The following SLC37A1 variants were observed in gnomAD, a reference collection of about 807,000 sequenced individuals.
SLC37A1 encodes the protein glucose-6-phosphate exchanger SLC37A1.
In SLC37A1, 49 loss-of-function variants were observed where a neutral mutation model predicts 75.3. The ratio of observed to expected loss-of-function variants is 0.65; its 90% CI spans 0.52 to 0.83. The LOEUF is 0.83. Among genes scored for constraint, SLC37A1 ranks in the 40% least tolerant of loss-of-function variants. SLC37A1 has a pLI of 0.00. For missense variants in SLC37A1, 566 were observed against 695.0 expected (o/e 0.81, Z 2.09); for synonymous variants, 268 against 292.1 (o/e 0.92, Z 0.84).
chr21:42,517,304 C>T (rs1227491811), intron 1 of SLC37A1, among the ~76,000 whole-genome samples: 1 of 152,150 alleles, frequency 6.6e-6, no homozygotes, highest in East Asian at 1.9e-4. Context: ...CAGGGTCAGC[C>T]TTGGAAGGAG....
intron 10 of SLC37A1, 56 bp from the exon 11 acceptor site, chr21:42,558,902 C>T: frequency 6.2e-7 from 1 of 1,609,904 alleles, no homozygotes; most frequent in Non-Finnish European, 8.5e-7. Context: ...CCACTTCACC[C>T]AGACTGCCCG....
intron 1 of SLC37A1, 38 bp from the exon 2 acceptor site, chr21:42,518,239 C>T (rs1004370451): frequency 4.5e-5 from 26 of 575,890 alleles, no homozygotes; most frequent in East Asian, 3.8e-4. Context: ...GTGAATGTCA[C>T]GACACTGGAC....
At chr21:42,578,320 G>C (rs2056348788) in intron 18 of SLC37A1, among the ~76,000 whole-genome samples, 1 of 152,198 alleles carries the variant, frequency 6.6e-6, no homozygotes. Flanking sequence ...GCATGCGTGA[G>C]CCAAACACGT....
upstream of SLC37A1, among the ~76,000 whole-genome samples, chr21:42,513,622 A>C (rs2054463459): frequency 6.6e-6 from 1 of 151,078 alleles, no homozygotes; most frequent in Admixed American, 6.6e-5. Context: ...GAGCCGGGGA[A>C]GGCGCGGGCC....
intron 11 of SLC37A1, 140 bp from the exon 12 acceptor site, chr21:42,561,938 G>C: frequency 1.4e-6 from 1 of 704,388 alleles, no homozygotes; most frequent in East Asian, 2.6e-5. Flanking sequence ...ACCCTCCCCA[G>C]TACGTGTCTG....
chr21:42,569,294 CT>C (rs896783304), intron 17 of SLC37A1, among the ~76,000 whole-genome samples: 1 of 152,208 alleles, frequency 6.6e-6, no homozygotes, highest in Non-Finnish European at 1.5e-5. Flanking sequence ...TTGGCTGCCC[CT>C]GGCCTTGGTG....
At chr21:42,559,875 CA>C (rs35483329) in intron 11 of SLC37A1, among the ~76,000 whole-genome samples, 11,012 of 127,682 alleles carry the variant, frequency 0.086, 564 homozygotes, top group Middle Eastern at 0.15. Flanking sequence ...GACTCTGTCT[CA>C]AAAAAAAAAA....
At chr21:42,517,222 A>G (rs144092801) in intron 1 of SLC37A1, among the ~76,000 whole-genome samples, 3 of 152,326 alleles carry the variant, frequency 2.0e-5, no homozygotes, top group African/African-American at 7.2e-5. Context: ...CATGGATGCT[A>G]TCATCCCCAT....
In SLC37A1 at chr21:42,581,149, G is replaced by A. The variant is rs1370612261; in HGVS notation, c.*789G>A. 1 of 152,634 alleles carries A rather than the reference G, an allele frequency of 6.6e-6. No individual in the cohort carries two copies. Among genetic ancestry groups the A allele is most frequent in the African/African-American group, 2.4e-5 (1 of 41,458 alleles). The allele number at this position is 152,634 out of a possible 1,614,324, so 9.5% of individuals were successfully genotyped here. On this transcript the variant is annotated 3_prime_UTR_variant, in exon 20 of 20. Coordinates refer to ENST00000352133, the MANE Select transcript of SLC37A1 (RefSeq NM_001320537.2). ...GGCACAGGGGCACAGCAGAGGTTTG[G>A]GAAGCGGTCTCCCCACCGGCACTGG... is the stretch of plus-strand genomic sequence containing the variant.
intron 2 of SLC37A1, among the ~76,000 whole-genome samples, chr21:42,507,399 A>G (rs1979870533): frequency 6.6e-6 from 1 of 152,096 alleles, no homozygotes; most frequent in African/African-American, 2.4e-5. Flanking sequence ...GGCTGCCTAA[A>G]CTGTCAGCCT....
At chr21:42,543,333 C>A in intron 7 of SLC37A1, 103 bp from the exon 8 acceptor site, 1 of 1,355,068 alleles carries the variant, frequency 7.4e-7, no homozygotes, top group Non-Finnish European at 1.1e-6. Flanking sequence ...CCCGTTGATT[C>A]TGCGCCGACT....
chr21:42,554,153 C>T lies in SLC37A1; in HGVS notation c.849+11C>T, dbSNP rs774417848. ...AAGAACAAGCCTCTGGTAAGTCACACACAACTTCCACTTCCTAGAATGTCG... is the reference window on the plus strand; with the variant it reads ...AAGAACAAGCCTCTGGTAAGTCACATACAACTTCCACTTCCTAGAATGTCG... On this transcript the variant is annotated intron_variant, in intron 10 of 19. Coordinates refer to ENST00000352133, the MANE Select transcript of SLC37A1 (RefSeq NM_001320537.2). 6 of 1,610,794 alleles carry T rather than the reference C, an allele frequency of 3.7e-6. No homozygotes were observed. The highest frequency in any genetic ancestry group is 5.1e-6 in the Non-Finnish European group (6 of 1,178,396).
At chr21:42,570,892 G>A (rs2056144331) in intron 17 of SLC37A1, among the ~76,000 whole-genome samples, 1 of 152,166 alleles carries the variant, frequency 6.6e-6, no homozygotes, top group African/African-American at 2.4e-5. Context: ...CACAAGGAAG[G>A]TGGCACACAC....
rs376976481 is a variant in SLC37A1 at position 42,536,429 on chromosome 21, G to A, written c.350+879G>A. On this transcript the variant is annotated intron_variant, in intron 5 of 19. Coordinates refer to ENST00000352133, the MANE Select transcript of SLC37A1 (RefSeq NM_001320537.2). ...GTGAATATTATATGGGTCATAGGAC[G>A]TGTGATTGGCTGATTAAAAACTGCT... 1.4e-4 allele frequency among the ~76,000 whole-genome samples: 21 copies of A among 152,172 alleles called. 2 individuals are homozygous for A. The highest frequency in any genetic ancestry group is 2.9e-5 in the Non-Finnish European group (2 of 68,026).
intron 8 of SLC37A1, among the ~76,000 whole-genome samples, chr21:42,544,087 C>T (rs1231714753): frequency 6.6e-6 from 1 of 152,212 alleles, no homozygotes; most frequent in Non-Finnish European, 1.5e-5. Context: ...ATAGCAAACT[C>T]TTTATTTAAT....
chr21:42,542,397 C>T lies in SLC37A1; in HGVS notation c.487-7C>T, dbSNP rs749450872. ...CAGGTCAGTCTCTCCTTTGGCCTCT[C>T]CTGCAGGTCATCAACGGGCTGGTGC... is the stretch of plus-strand genomic sequence containing the variant. On this transcript the variant is annotated splice_region_variant and splice_polypyrimidine_tract_variant and intron_variant, in intron 6 of 19. Coordinates refer to ENST00000352133, the MANE Select transcript of SLC37A1 (RefSeq NM_001320537.2). The T allele has an allele frequency of 6.2e-7, 1 of 1,613,528 alleles. No homozygotes were observed.
At chr21:42,542,620 T>A in intron 7 of SLC37A1, 140 bp downstream of exon 7, 1 of 822,162 alleles carries the variant, frequency 1.2e-6, no homozygotes. Context: ...GGGCTTGAAT[T>A]GCTGAAATTC....
rs1284663472 is a variant in SLC37A1, at chr21:42,513,937, G to T, written c.-959G>T. On this transcript the variant is annotated 5_prime_UTR_variant, in exon 1 of 20. Transcript: ENST00000352133. ...CTCGGCGGCGCAGGTGAGGCGCGGG[G>T]CCGGGGCCGGACCGGGAGGCGGGGA... The T allele has an allele frequency of 6.8e-6, 1 of 146,716 alleles. No homozygotes were observed. The highest frequency in any genetic ancestry group is 1.5e-5 in the Non-Finnish European group (1 of 65,780). 9.1% of individuals were successfully genotyped at this position (146,716 alleles called of 1,614,324 possible). A position where few individuals can be genotyped will look rare whatever the true frequency, so the allele number is the denominator to read the frequency against.
chr21:42,541,058 G>A (rs2055268178), intron 6 of SLC37A1, among the ~76,000 whole-genome samples: 1 of 152,204 alleles, frequency 6.6e-6, no homozygotes, highest in Non-Finnish European at 1.5e-5. Context: ...GGGGACCAGG[G>A]TTGGGGAGAG....
Sources: gnomAD v4.1 joint callset for allele counts (sites outside exome capture counted in the v4.1 genomes callset) on GRCh38, gnomAD v4.1.1 for gene constraint, MANE v1.5 for transcripts, NCBI Gene and HGNC (gene_info 2026-07-23, HGNC 2026-07-21) for gene names.